PDE7B: variants seen among roughly 807,000 people sequenced by gnomAD.
The protein encoded by PDE7B is 3',5'-cyclic-AMP phosphodiesterase 7B.
PDE7B carries 29 observed loss-of-function variants against 56.2 expected under a neutral mutation model. The observed-to-expected ratio is 0.52, with a 90% CI of 0.38 to 0.70. PDE7B has a LOEUF of 0.70. Among genes scored for constraint, PDE7B ranks in the 30% least tolerant of loss-of-function variants. PDE7B has a pLI of 0.00. For synonymous variants in PDE7B, 197 were observed against 196.9 expected (o/e 1.00, Z 0.00); for missense variants, 490 against 565.0 (o/e 0.87, Z 1.35).
intron 1 of PDE7B, among the ~76,000 whole-genome samples, chr6:135,931,922 T>G (rs1714570830): frequency 6.8e-6 from 1 of 146,410 alleles, no homozygotes; most frequent in Non-Finnish European, 1.5e-5. Context: ...TTTTAAAACT[T>G]TTTTGTTACC....
chr6:135,935,190 T>TTTTA lies in PDE7B; in HGVS notation c.22-12273_22-12272insTTAT, dbSNP rs1436649469. On this transcript the variant is annotated intron_variant, in intron 1 of 12. Coordinates refer to ENST00000308191, the MANE Select transcript of PDE7B (RefSeq NM_018945.4). ...GAGAATTTTATATATATATATTTAT[T>TTTTA]TATATATATATATATATATATATAT... Among the ~76,000 whole-genome samples, 5 of 36,184 alleles carry TTTTA rather than the reference T, an allele frequency of 1.4e-4. 1 individual carries two copies. Among genetic ancestry groups the TTTTA allele is most frequent in the Non-Finnish European group, 2.3e-4 (5 of 21,584 alleles). The allele number at this position is 36,184 out of a possible 152,430, so 23.7% of individuals were successfully genotyped here. A position where few individuals can be genotyped will look rare whatever the true frequency, so the allele number is the denominator to read the frequency against.
chr6:136,059,203 C>A (rs1173116757), intron 2 of PDE7B, among the ~76,000 whole-genome samples: 1 of 152,042 alleles, frequency 6.6e-6, no homozygotes, highest in Non-Finnish European at 1.5e-5. Context: ...TGACCTTGAG[C>A]AATAGGATAT....
intron 2 of PDE7B, among the ~76,000 whole-genome samples, chr6:136,097,435 T>A (rs547020038): frequency 1.3e-5 from 2 of 152,120 alleles, no homozygotes; most frequent in East Asian, 3.9e-4. Context: ...ACCATGTCAG[T>A]TTTACCTCCT....
intron 2 of PDE7B, among the ~76,000 whole-genome samples, chr6:135,999,921 A>G (rs938073739): frequency 6.6e-6 from 1 of 151,828 alleles, no homozygotes; most frequent in Non-Finnish European, 1.5e-5. Flanking sequence ...CCTCACCAGC[A>G]TATGTTATTT....
At chr6:136,135,671 T>A (rs1466108462) in intron 3 of PDE7B, among the ~76,000 whole-genome samples, 1 of 152,044 alleles carries the variant, frequency 6.6e-6, no homozygotes, top group Non-Finnish European at 1.5e-5. Context: ...GGGGGAGTCA[T>A]AGTATTTTAT....
At chr6:136,075,419 A>G (rs151153582) in intron 2 of PDE7B, among the ~76,000 whole-genome samples, 1 of 152,276 alleles carries the variant, frequency 6.6e-6, no homozygotes, top group South Asian at 2.1e-4. Context: ...TTTGTACGTA[A>G]TGAATGAGAT....
At chr6:136,047,722 C>T (rs1172547630) in intron 2 of PDE7B, among the ~76,000 whole-genome samples, 1 of 152,106 alleles carries the variant, frequency 6.6e-6, no homozygotes, top group Non-Finnish European at 1.5e-5. Flanking sequence ...GAAATTGAGA[C>T]TTCTATTTAC....
chr6:135,978,567 CTT>C lies in PDE7B; in HGVS notation c.82+31044_82+31045del, dbSNP rs1424532578. On this transcript the variant is annotated intron_variant, in intron 2 of 12. Coordinates refer to ENST00000308191, the MANE Select transcript of PDE7B (RefSeq NM_018945.4). ...ATTACTCTTTTATAATTTTTTTACT[CTT>C]ATAATACTTTTTTACTCCTTTATAA... Among the ~76,000 whole-genome samples the C allele has an allele frequency of 2.6e-5, 4 of 152,012 alleles. No homozygotes were observed. In the East Asian group the frequency reaches 5.8e-4, roughly 22 times the overall value.
chr6:136,117,501 AC>A (rs1477141828), intron 3 of PDE7B, among the ~76,000 whole-genome samples: 1 of 152,226 alleles, frequency 6.6e-6, no homozygotes, highest in African/African-American at 2.4e-5. Context: ...GGGTTCACAC[AC>A]AAGATCAAAA....
At position 136,191,013 on chromosome 6, in the gene PDE7B, CTTT is replaced by C. The variant is rs752187218; in HGVS notation, c.1127-579_1127-577del. Among the ~76,000 whole-genome samples, 20 of 99,300 alleles carry C rather than the reference CTTT, an allele frequency of 2.0e-4. 1 individual carries two copies. The highest frequency in any genetic ancestry group is 1.4e-3 in the African/African-American group (16 of 11,136). 65.1% of individuals were successfully genotyped at this position (99,300 alleles called of 152,430 possible). A position where few individuals can be genotyped will look rare whatever the true frequency, so the allele number is the denominator to read the frequency against. ...CTGCCTTCTTTAGCTCCAGCATACA[CTTT>C]TTTTTTTTTTTTTTTTTTTTTACTT... On this transcript the variant is annotated intron_variant, in intron 12 of 12. Transcript: ENST00000308191.
At chr6:136,095,223 T>A (rs1046993637) in intron 2 of PDE7B, among the ~76,000 whole-genome samples, 1 of 152,196 alleles carries the variant, frequency 6.6e-6, no homozygotes, top group East Asian at 1.9e-4. Context: ...TCAAATAATG[T>A]TCTTCCCTTT....
intron 2 of PDE7B, among the ~76,000 whole-genome samples, chr6:136,073,057 T>G (rs2128214201): frequency 6.6e-6 from 1 of 152,272 alleles, no homozygotes; most frequent in African/African-American, 2.4e-5. Flanking sequence ...ACCATGTTCT[T>G]TGTCTTTTTG....
intron 2 of PDE7B, among the ~76,000 whole-genome samples, chr6:136,005,192 C>A (rs199910339): frequency 0.31 from 46,728 of 151,996 alleles, 7,956 homozygotes; most frequent in Admixed American, 0.43. Context: ...ACACCTTATA[C>A]AAAAATTAAT....
At chr6:135,937,967 T>G (rs555685874) in intron 1 of PDE7B, among the ~76,000 whole-genome samples, 96 of 152,168 alleles carry the variant, frequency 6.3e-4, no homozygotes, top group Non-Finnish European at 1.2e-3. Context: ...CAGGCCCCAT[T>G]ATGGTTTTAG....
chr6:136,149,216 C>T, intron 5 of PDE7B, 66 bp downstream of exon 5: 2 of 1,104,552 alleles, frequency 1.8e-6, no homozygotes, highest in Non-Finnish European at 2.8e-6. Flanking sequence ...TCATGAAAAA[C>T]AAAATTTATT....
At chr6:136,148,499 A>AGGCAGGCAGGCAGGCAGGCC (rs1562505873) in intron 4 of PDE7B, among the ~76,000 whole-genome samples, 1 of 151,726 alleles carries the variant, frequency 6.6e-6, no homozygotes, top group Non-Finnish European at 1.5e-5. Flanking sequence ...GCAGGCAGGC[A>AGGCAGGCAGGCAGGCAGGCC]ACTAATATAT....
Position 136,001,868 on chromosome 6 carries a change from C to T in PDE7B, c.82+54344C>T, listed in dbSNP as rs1042715438. ...CAGAGAACGCCACAAAGATACTCCT[C>T]GAGAAGAGCAACTCCAAGACACATA... is the stretch of plus-strand genomic sequence containing the variant. On this transcript the variant is annotated intron_variant, in intron 2 of 12. Transcript: ENST00000308191. Among the ~76,000 whole-genome samples, 12 of 151,766 alleles carry T rather than the reference C, an allele frequency of 7.9e-5. No individual in the cohort carries two copies. The East Asian group carries it at 1.7e-3, about 22-fold the overall frequency.
intron 2 of PDE7B, among the ~76,000 whole-genome samples, chr6:135,985,515 T>C (rs1343921926): frequency 2.0e-5 from 3 of 152,228 alleles, no homozygotes; most frequent in Admixed American, 1.3e-4. Context: ...TTTTCTCATC[T>C]GCAAAGGGAA....
intron 9 of PDE7B, among the ~76,000 whole-genome samples, chr6:136,177,073 G>A (rs1778989174): frequency 7.8e-6 from 1 of 127,390 alleles, no homozygotes; most frequent in South Asian, 2.1e-4. Context: ...AGAATATGAT[G>A]TAGGGAAATT....
Sources: allele counts gnomAD v4.1 joint callset (sites outside exome capture counted in the v4.1 genomes callset), GRCh38; gene constraint gnomAD v4.1.1; transcripts MANE v1.5; gene names NCBI Gene and HGNC (gene_info 2026-07-23, HGNC 2026-07-21).